ATP10B: variants seen among roughly 807,000 people sequenced by gnomAD.
ATP10B encodes the protein phospholipid-transporting ATPase VB.
Under a neutral mutation model 141.2 loss-of-function variants are expected in ATP10B, and 122 were observed. The observed-to-expected ratio is 0.86, with a 90% CI of 0.75 to 1.00. The LOEUF (loss-of-function observed/expected upper bound fraction) is 1.00. Among genes scored for constraint, ATP10B ranks in the 50% least tolerant of loss-of-function variants. ATP10B has a pLI of 0.00. For synonymous variants in ATP10B, 685 were observed against 692.0 expected, an observed-to-expected ratio of 0.99 and a Z score of 0.16; for missense variants, 1,876 against 1,825.3, an observed-to-expected ratio of 1.03 and a Z score of -0.51.
intron 2 of ATP10B, among the ~76,000 whole-genome samples, chr5:160,751,912 T>A (rs1392650032): frequency 6.6e-6 from 1 of 152,160 alleles, no homozygotes; most frequent in African/African-American, 2.4e-5. Flanking sequence ...ACTAAGCAGC[T>A]CTCTGAACAT....
chr5:160,662,993 C>A (rs1762049032), intron 7 of ATP10B, among the ~76,000 whole-genome samples: 1 of 152,210 alleles, frequency 6.6e-6, no homozygotes, highest in Admixed American at 6.5e-5. Context: ...TGAACAGACA[C>A]TTCTCAAAAG....
At chr5:160,621,973 T>A (rs535308792) in intron 14 of ATP10B, among the ~76,000 whole-genome samples, 1 of 152,216 alleles carries the variant, frequency 6.6e-6, no homozygotes, top group Non-Finnish European at 1.5e-5. Context: ...CATATGTCCT[T>A]CATTACCTTG....
the ATP10B span, among the ~76,000 whole-genome samples, chr5:160,868,715 G>T: frequency 1.3e-5 from 2 of 152,018 alleles, no homozygotes. Context: ...CTTGCAGACT[G>T]GTGAAGACTA....
the ATP10B span, among the ~76,000 whole-genome samples, chr5:160,888,469 C>T: frequency 6.6e-6 from 1 of 152,180 alleles, no homozygotes; most frequent in Non-Finnish European, 1.5e-5. Context: ...AAATGTTCCT[C>T]ATTTTCTGAG....
At chr5:160,574,937 T>C (rs954661708) in intron 24 of ATP10B, among the ~76,000 whole-genome samples, 1 of 152,012 alleles carries the variant, frequency 6.6e-6, no homozygotes, top group Admixed American at 6.6e-5. Context: ...ATGAGAAATA[T>C]ATTTCTATTC....
the ATP10B span, among the ~76,000 whole-genome samples, chr5:160,881,668 C>T: frequency 6.9e-4 from 105 of 151,938 alleles, 2 homozygotes; most frequent in South Asian, 0.014. Flanking sequence ...AAAAATTATC[C>T]GGGCGTGGGG....
chr5:160,856,245 T>C (rs982132404), upstream of ATP10B, among the ~76,000 whole-genome samples: 1 of 151,996 alleles, frequency 6.6e-6, no homozygotes, highest in African/African-American at 2.4e-5. Flanking sequence ...CTTTCATTTA[T>C]GTTATCAACA....
the ATP10B span, among the ~76,000 whole-genome samples, chr5:160,880,183 AAT>A: frequency 6.8e-6 from 1 of 146,226 alleles, no homozygotes; most frequent in African/African-American, 2.5e-5. Flanking sequence ...ATATAATGTA[AAT>A]ATTTTTATAT....
intron 7 of ATP10B, among the ~76,000 whole-genome samples, chr5:160,652,430 CTTATTTATTTAT>C (rs70990738): frequency 0.61 from 79,518 of 129,478 alleles, 25,987 homozygotes; most frequent in Middle Eastern, 0.72. Flanking sequence ...TGTCAGGGTT[CTTATTTATTTAT>C]TTATTTATTT....
chr5:160,907,285 G>GA, the ATP10B span, among the ~76,000 whole-genome samples: 1 of 146,680 alleles, frequency 6.8e-6, no homozygotes, highest in African/African-American at 2.6e-5. Flanking sequence ...AACCCTAGTT[G>GA]ATTTTTTTTC....
chr5:160,854,579 G>T (rs55654454), upstream of ATP10B, among the ~76,000 whole-genome samples: 16,882 of 152,066 alleles, frequency 0.11, 1,158 homozygotes, highest in East Asian at 0.18. Context: ...TCATTGATGG[G>T]CATTTAGGTT....
intron 7 of ATP10B, among the ~76,000 whole-genome samples, chr5:160,652,177 C>T (rs952796861): frequency 1.3e-5 from 2 of 152,060 alleles, no homozygotes; most frequent in African/African-American, 4.8e-5. Flanking sequence ...CTGCTGAGCA[C>T]AGGACTTTTG....
At chr5:160,794,942 C>A (rs1771835669) in intron 1 of ATP10B, among the ~76,000 whole-genome samples, 1 of 152,104 alleles carries the variant, frequency 6.6e-6, no homozygotes, top group Admixed American at 6.6e-5. Context: ...TCCACAAATG[C>A]AAGAAATGCA....
chr5:160,764,386 G>C (rs1018710856), intron 2 of ATP10B, among the ~76,000 whole-genome samples: 19 of 152,122 alleles, frequency 1.2e-4, no homozygotes, highest in Non-Finnish European at 7.4e-5. Context: ...TTTCATACCA[G>C]GGACGCAGGG....
chr5:160,658,119 A>G (rs908675169), intron 7 of ATP10B, among the ~76,000 whole-genome samples: 8 of 152,248 alleles, frequency 5.3e-5, no homozygotes, highest in African/African-American at 1.2e-4. Context: ...AGATATGATC[A>G]CAATGTGTCA....
chr5:160,905,617 G>A, the ATP10B span, among the ~76,000 whole-genome samples: 1 of 152,034 alleles, frequency 6.6e-6, no homozygotes, highest in South Asian at 2.1e-4. Context: ...CCTTTGCATG[G>A]TGGGCTTGTT....
At chr5:160,744,975 C>G (rs1291970635) in intron 2 of ATP10B, among the ~76,000 whole-genome samples, 1 of 152,194 alleles carries the variant, frequency 6.6e-6, no homozygotes, top group Middle Eastern at 3.2e-3. Flanking sequence ...TGGGGGCAGC[C>G]TGCCTGACTC....
chr5:160,633,730 A>G (rs1263914893), intron 12 of ATP10B: 1 of 144,188 alleles, frequency 6.9e-6, no homozygotes, highest in Non-Finnish European at 1.5e-5. Flanking sequence ...TTTTCTTAGA[A>G]AGTGTGTGTG....
intron 6 of ATP10B, among the ~76,000 whole-genome samples, chr5:160,681,362 A>G (rs1300567110): frequency 1.3e-5 from 2 of 152,268 alleles, no homozygotes; most frequent in African/African-American, 2.4e-5. Context: ...CTATATGTTT[A>G]AATGACTTTC....
Sources: gnomAD v4.1 joint callset for allele counts (sites outside exome capture counted in the v4.1 genomes callset) on GRCh38, gnomAD v4.1.1 for gene constraint, MANE v1.5 for transcripts, NCBI Gene and HGNC (gene_info 2026-07-23, HGNC 2026-07-21) for gene names.